The following PCDH7 variants were observed in gnomAD, a reference collection of about 807,000 sequenced individuals.
PCDH7 encodes the protein protocadherin 7.
In PCDH7, 17 loss-of-function variants were observed where a neutral mutation model predicts 58.9. That is an observed-to-expected ratio of 0.29 (90% confidence interval 0.20 to 0.43). PCDH7 has a LOEUF of 0.43. Among genes scored for constraint, PCDH7 ranks in the 20% least tolerant of loss-of-function variants. The probability of loss-of-function intolerance (pLI) is 1.00; values close to 1 mark genes in which losing one functional copy is unlikely to be tolerated. For synonymous variants in PCDH7, 664 were observed against 616.4 expected (o/e 1.08, Z -1.14); for missense variants, 1,274 against 1,441.0 (o/e 0.88, Z 1.88).
chr4:30,949,728 A>G (rs1204459162), intron 2 of PCDH7, among the ~76,000 whole-genome samples: 4 of 152,226 alleles, frequency 2.6e-5, no homozygotes, highest in African/African-American at 9.6e-5. Context: ...ACAGAATGAG[A>G]TGATAATCCT....
chr4:30,834,280 T>C (rs1454273089), intron 1 of PCDH7, among the ~76,000 whole-genome samples: 5 of 152,146 alleles, frequency 3.3e-5, no homozygotes, highest in African/African-American at 7.2e-5. Context: ...TTCTTAATAA[T>C]TTTTGAACAA....
intron 1 of PCDH7, among the ~76,000 whole-genome samples, chr4:30,831,020 T>C (rs1032754673): frequency 2.6e-5 from 4 of 152,102 alleles, no homozygotes; most frequent in African/African-American, 9.7e-5. Flanking sequence ...TCAAAAATAA[T>C]TTTCTGAAAG....
intron 3 of PCDH7, among the ~76,000 whole-genome samples, chr4:31,010,566 A>G (rs1753093257): frequency 6.6e-6 from 1 of 151,960 alleles, no homozygotes; most frequent in Non-Finnish European, 1.5e-5. Context: ...AGTCAAAATT[A>G]CCTTTGTAGT....
At chr4:30,925,428 C>T in intron 2 of PCDH7, among the ~76,000 whole-genome samples, 1 of 152,174 alleles carries the variant, frequency 6.6e-6, no homozygotes, top group East Asian at 1.9e-4. Flanking sequence ...GCAAACTTCT[C>T]TAGCAAGGCT....
intron 3 of PCDH7, among the ~76,000 whole-genome samples, chr4:31,049,978 A>G (rs532692839): frequency 6.6e-6 from 1 of 152,282 alleles, no homozygotes; most frequent in Admixed American, 6.5e-5. Flanking sequence ...TATTTACACT[A>G]AAAATAGGGG....
chr4:31,080,595 A>G (rs1429638685), intron 3 of PCDH7, among the ~76,000 whole-genome samples: 1 of 152,060 alleles, frequency 6.6e-6, no homozygotes, highest in Non-Finnish European at 1.5e-5. Flanking sequence ...CGTTCTTTAG[A>G]AAAAAAAGTG....
intron 3 of PCDH7, among the ~76,000 whole-genome samples, chr4:31,125,867 T>C (rs1404135605): frequency 6.6e-6 from 1 of 152,212 alleles, no homozygotes; most frequent in Non-Finnish European, 1.5e-5. Context: ...TTGCAGTGGA[T>C]TTATTGAGCC....
At chr4:30,935,719 T>G (rs1745259345) in intron 2 of PCDH7, among the ~76,000 whole-genome samples, 1 of 152,128 alleles carries the variant, frequency 6.6e-6, no homozygotes, top group Non-Finnish European at 1.5e-5. Flanking sequence ...CAAAACCTTG[T>G]AAAGATTATC....
chr4:30,847,134 ATAAG>A (rs1255701918), intron 1 of PCDH7, among the ~76,000 whole-genome samples: 1 of 152,006 alleles, frequency 6.6e-6, no homozygotes, highest in African/African-American at 2.4e-5. Context: ...AAATAAATAA[ATAAG>A]TAAAAAAAAA....
At chr4:30,730,947 C>G in exon 2 of PCDH7, 3 of 1,306,488 alleles carry the variant, frequency 2.3e-6, no homozygotes, top group East Asian at 5.7e-5. Flanking sequence ...TTCTCATATA[C>G]AGAAAAATAG....
intron 3 of PCDH7, among the ~76,000 whole-genome samples, chr4:31,122,679 GACAA>G (rs536516067): frequency 2.0e-5 from 3 of 151,628 alleles, no homozygotes; most frequent in Non-Finnish European, 4.4e-5. Context: ...GCGTGTTGAA[GACAA>G]ACATTCTCTT....
intron 1 of PCDH7, among the ~76,000 whole-genome samples, chr4:30,872,402 A>G (rs1478261767): frequency 1.3e-5 from 2 of 152,086 alleles, no homozygotes; most frequent in Non-Finnish European, 1.5e-5. Flanking sequence ...TCAATGAGTG[A>G]GCATGGCTCT....
chr4:30,737,342 C>T (rs544835341), downstream of PCDH7, among the ~76,000 whole-genome samples: 78 of 152,116 alleles, frequency 5.1e-4, 3 homozygotes, highest in African/African-American at 1.6e-3. Context: ...CTTTTGGGGG[C>T]GTTTTCAATA....
At chr4:31,060,077 G>A (rs10003118) in intron 3 of PCDH7, among the ~76,000 whole-genome samples, 4,799 of 151,740 alleles carry the variant, frequency 0.032, 230 homozygotes, top group African/African-American at 0.11. Context: ...CATTAAGAGG[G>A]CCTTTATCTT....
At chr4:31,005,318 C>T (rs967016353) in intron 3 of PCDH7, among the ~76,000 whole-genome samples, 1 of 152,158 alleles carries the variant, frequency 6.6e-6, no homozygotes, top group Non-Finnish European at 1.5e-5. Context: ...CAGAGTTTAA[C>T]ACTGAAAGTG....
At chr4:30,846,189 C>T (rs990400520) in intron 1 of PCDH7, among the ~76,000 whole-genome samples, 7 of 152,014 alleles carry the variant, frequency 4.6e-5, no homozygotes, top group African/African-American at 1.2e-4. Context: ...ATTCTTGCTA[C>T]GGTTTGAATG....
rs1291044344 is a variant in PCDH7, at chr4:30,824,162, T to TC, written c.71-95991_71-95990insC. On this transcript the variant is annotated intron_variant, in intron 1 of 3. Coordinates refer to the PCDH7 transcript ENST00000509759. ...TTCTTTCTTTCTTTCTTTCTTTCTT[T>TC]TTGCTTCCCTCATATATGTGATTCT... Among the ~76,000 whole-genome samples the TC allele has an allele frequency of 3.9e-5, 5 of 129,542 alleles. No homozygotes were observed. In the East Asian group the frequency reaches 1.1e-3, roughly 28 times the overall value. The allele number at this position is 129,542 out of a possible 152,430, so 85.0% of individuals were successfully genotyped here. A position where few individuals can be genotyped will look rare whatever the true frequency, so the allele number is the denominator to read the frequency against.
chr4:30,893,610 G>A (rs959954233), intron 1 of PCDH7, among the ~76,000 whole-genome samples: 3 of 152,014 alleles, frequency 2.0e-5, no homozygotes, highest in Non-Finnish European at 2.9e-5. Flanking sequence ...CTACATGTGA[G>A]GTCTGAAAGA....
At chr4:30,859,824 G>A (rs1038257624) in intron 1 of PCDH7, among the ~76,000 whole-genome samples, 4 of 152,116 alleles carry the variant, frequency 2.6e-5, no homozygotes, top group African/African-American at 7.2e-5. Context: ...AAGCCAACAG[G>A]ACTTTGCTTC....
Sources: allele counts gnomAD v4.1 joint callset (sites outside exome capture counted in the v4.1 genomes callset), GRCh38; gene constraint gnomAD v4.1.1; transcripts MANE v1.5; gene names NCBI Gene and HGNC (gene_info 2026-07-23, HGNC 2026-07-21).